Variants in DNAH8 observed in about 807,000 individuals in gnomAD.
DNAH8 encodes the protein dynein axonemal heavy chain 8.
A neutral mutation model predicts 562.1 loss-of-function variants in DNAH8; 382 were observed. The observed-to-expected ratio is 0.68, with a 90% CI of 0.63 to 0.74. The LOEUF (loss-of-function observed/expected upper bound fraction) is 0.74, where lower values mean the gene tolerates loss of function less well. DNAH8 is among the 30% of genes least tolerant of loss of function. DNAH8 has a pLI of 0.00. For synonymous variants in DNAH8, 1,881 were observed against 1,919.4 expected, an observed-to-expected ratio of 0.98 and a Z score of 0.52; for missense variants, 5,203 against 5,620.4, an observed-to-expected ratio of 0.93 and a Z score of 2.37.
At chr6:38,997,926 A>G (rs1583537833) in intron 88 of DNAH8, among the ~76,000 whole-genome samples, 1 of 151,948 alleles carries the variant, frequency 6.6e-6, no homozygotes, top group Non-Finnish European at 1.5e-5. Flanking sequence ...CCCGGCTAAT[A>G]TTTGTATTTT....
chr6:38,929,770 CTACTTATCT>C (rs1412633418), intron 75 of DNAH8, 104 bp downstream of exon 75: 18 of 1,097,452 alleles, frequency 1.6e-5, no homozygotes, highest in Non-Finnish European at 2.0e-5. Flanking sequence ...ATGGTGACAT[CTACTTATCT>C]TATTGAGCAT....
At chr6:38,977,597 A>C (rs1055301849) in intron 85 of DNAH8, among the ~76,000 whole-genome samples, 2 of 152,098 alleles carry the variant, frequency 1.3e-5, no homozygotes, top group Admixed American at 1.3e-4. Context: ...TGTAGCATCC[A>C]GTGTAGCATC....
chr6:39,020,023 G>C (rs1323825777), intron 91 of DNAH8, among the ~76,000 whole-genome samples: 1 of 152,190 alleles, frequency 6.6e-6, no homozygotes, highest in African/African-American at 2.4e-5. Context: ...AAAGGTTTGC[G>C]AGAGAGGGGA....
intron 17 of DNAH8, among the ~76,000 whole-genome samples, chr6:38,786,407 T>C (rs944067981): frequency 6.6e-6 from 1 of 152,204 alleles, no homozygotes; most frequent in Non-Finnish European, 1.5e-5. Context: ...TCTTTTGTGA[T>C]TCTAACCATC....
intron 87 of DNAH8, among the ~76,000 whole-genome samples, chr6:38,988,742 C>T (rs999441770): frequency 6.6e-6 from 1 of 152,112 alleles, no homozygotes; most frequent in Non-Finnish European, 1.5e-5. Flanking sequence ...GCTTATGTGG[C>T]CTCCCCATTC....
Position 38,929,541 on chromosome 6 carries a change from A to G in DNAH8, c.11149A>G (p.Thr3717Ala), listed in dbSNP as rs555291563. ...VTSLNHKYFR[T>A]HLEDSLSLGR... Reference sequence around the variant, plus strand: ...ATCTCTGAACCATAAATATTTTCGCACACACTTGGAGGACAGCCTTTCCTT... The same window carrying G: ...ATCTCTGAACCATAAATATTTTCGCGCACACTTGGAGGACAGCCTTTCCTT... Residue 3717 changes from threonine (T) to alanine (A), a missense_variant, in exon 75 of 93, where the codon ACA becomes GCA. Physicochemically the swap from Thr to Ala is moderately conservative, Grantham distance 58. Coordinates refer to ENST00000327475, the MANE Select transcript of DNAH8 (RefSeq NM_001206927.2). The G allele has an allele frequency of 6.8e-6, 11 of 1,612,558 alleles. No homozygotes were observed. The South Asian group carries it at 1.1e-4, about 16-fold the overall frequency.
At chr6:38,843,979 T>C (rs1322641785) in intron 35 of DNAH8, among the ~76,000 whole-genome samples, 1 of 152,128 alleles carries the variant, frequency 6.6e-6, no homozygotes, top group Non-Finnish European at 1.5e-5. Flanking sequence ...TGTGGTGTGA[T>C]GATCCAGGAA....
At chr6:38,748,829 A>G (rs1765180484) in intron 8 of DNAH8, among the ~76,000 whole-genome samples, 1 of 150,890 alleles carries the variant, frequency 6.6e-6, no homozygotes, top group Non-Finnish European at 1.5e-5. Flanking sequence ...ATCCTGAAAG[A>G]ATTTGAAGGA....
rs764099125 is a variant in DNAH8 at position 38,917,955 on chromosome 6, C to T, written c.10339C>T (p.Leu3447Phe). 1.2e-5 allele frequency: 19 copies of T among 1,613,368 alleles called. 2 individuals carry two copies. The South Asian group carries it at 1.9e-4, about 16-fold the overall frequency. ...GAGTGCAACAGGATTCCTGTGGAGC[C>T]TTCAGCAGTTCCCTAAGGACACTAT... is the stretch of plus-strand genomic sequence containing the variant. ...LMSATGFLWS[L>F]QQFPKDTINE... Residue 3447 changes from leucine to phenylalanine, a missense_variant, in exon 70 of 93, where the codon CTT becomes TTT. Transcript: ENST00000327475.
At chr6:38,901,343 AC>A (rs1366771744) in intron 62 of DNAH8, among the ~76,000 whole-genome samples, 3 of 152,088 alleles carry the variant, frequency 2.0e-5, no homozygotes, top group Non-Finnish European at 4.4e-5. Context: ...ACTATAACTG[AC>A]CTAGAATTCA....
intron 59 of DNAH8, among the ~76,000 whole-genome samples, chr6:38,895,376 A>G (rs1779607966): frequency 6.6e-6 from 1 of 152,228 alleles, no homozygotes; most frequent in Non-Finnish European, 1.5e-5. Context: ...TTATTCCAGT[A>G]TGACTTCAAC....
At position 38,995,047 on chromosome 6, in the gene DNAH8, C is replaced by G. The variant is rs1481811959; in HGVS notation, c.13214+4875C>G. ...TTTTATTATCTGATAGTTATAGTCT[C>G]CCCTCATTGCTCTTTTTTTTTTTTT... On this transcript the variant is annotated intron_variant, in intron 88 of 92. Transcript: ENST00000327475. Among the ~76,000 whole-genome samples the G allele has an allele frequency of 2.7e-5, 4 of 145,678 alleles. No individual in the cohort carries two copies. In the Admixed American group the frequency reaches 2.8e-4, roughly 10 times the overall value.
chr6:38,756,686 A>G (rs1218133481), intron 10 of DNAH8, among the ~76,000 whole-genome samples: 1 of 117,982 alleles, frequency 8.5e-6, no homozygotes, highest in Non-Finnish European at 1.8e-5. Flanking sequence ...CCACCCCATG[A>G]CAGGCCCCAG....
intron 11 of DNAH8, among the ~76,000 whole-genome samples, chr6:38,767,208 G>A (rs912525474): frequency 4.6e-5 from 7 of 152,152 alleles, no homozygotes; most frequent in Admixed American, 2.0e-4. Flanking sequence ...AGGCTGAGGC[G>A]GGCAGATCAC....
chr6:38,951,351 A>C lies in DNAH8; in HGVS notation c.12282A>C (p.Ala4094=). Residue 4094 remains alanine, a synonymous_variant, in exon 82 of 93, where the codon GCA becomes GCC. Coordinates refer to ENST00000327475, the MANE Select transcript of DNAH8 (RefSeq NM_001206927.2). The part of the protein sequence containing the change: ...SWCPDRTVFQ[A]RKYIADSLEE... ...GCCCAGACCGTACTGTTTTTCAAGC[A>C]AGAAAGTATATTGCAGATTCTTTGG... is the stretch of plus-strand genomic sequence containing the variant. The C allele has an allele frequency of 6.2e-7, 1 of 1,614,222 alleles. No homozygotes were observed. The highest frequency in any genetic ancestry group is 8.5e-7 in the Non-Finnish European group (1 of 1,180,036).
intron 79 of DNAH8, among the ~76,000 whole-genome samples, chr6:38,944,975 T>C (rs1380110715): frequency 1.7e-5 from 2 of 116,764 alleles, no homozygotes; most frequent in African/African-American, 2.7e-5. Flanking sequence ...ACCTTAACCC[T>C]AACCCTAACC....
intron 63 of DNAH8, among the ~76,000 whole-genome samples, chr6:38,907,718 A>G (rs576651274): frequency 6.6e-6 from 1 of 152,354 alleles, no homozygotes; most frequent in South Asian, 2.1e-4. Flanking sequence ...TGGTGGAGAT[A>G]GCTTTTTGGT....
rs1765350054 is a variant in DNAH8, at chr6:38,750,533, G to A, written c.1351G>A (p.Val451Ile). The A allele has an allele frequency of 1.9e-6, 3 of 1,611,846 alleles. No homozygotes were observed. Among genetic ancestry groups the A allele is most frequent in the Admixed American group, 1.7e-5 (1 of 59,712 alleles). ...TACAGCAAATGAATCCAAAGATAAT[G>A]TCAGATATTTGTATACTTTGGAAAA... is the stretch of plus-strand genomic sequence containing the variant. ...TDTANESKDN[V>I]RYLYTLEKVC... Residue 451 changes from valine to isoleucine, a missense_variant, in exon 9 of 93, where the codon GTC becomes ATC. By Grantham distance (29) the Val-to-Ile change is conservative (BLOSUM62 3). Around this residue, in one of 6 missense-constraint regions of DNAH8, gnomAD observed 2,176 missense variants for 2,365.1 expected, o/e 0.92. Transcript: ENST00000327475.
Position 38,737,103 on chromosome 6 carries a change from C to T in DNAH8, c.799C>T (p.Leu267Phe), listed in dbSNP as rs1764158324. ...TACTGTTCTGGATGCGTCGAAAGGA[C>T]TCTTAAATGGAATTAGGGATATGTT... ...LFTVLDASKG[L>F]LNGIRDMLAN... Residue 267 changes from leucine to phenylalanine, a missense_variant, in exon 6 of 93, where the codon CTC becomes TTC. Coordinates refer to ENST00000327475, the MANE Select transcript of DNAH8 (RefSeq NM_001206927.2). The T allele has an allele frequency of 6.4e-7, 1 of 1,570,138 alleles. No homozygotes were observed.
Sources: allele counts gnomAD v4.1 joint callset (sites outside exome capture counted in the v4.1 genomes callset), GRCh38; gene constraint gnomAD v4.1.1; regional missense constraint gnomAD v4.1.1; transcripts MANE v1.5; gene names NCBI Gene and HGNC (gene_info 2026-07-23, HGNC 2026-07-21).